The following PRKG1 variants were observed in gnomAD, a reference collection of about 807,000 sequenced individuals.
PRKG1 encodes the protein cGMP-dependent protein kinase 1.
Under a neutral mutation model 88.1 loss-of-function variants are expected in PRKG1, and 35 were observed. The observed-to-expected ratio is 0.40, with a 90% confidence interval of 0.30 to 0.53. The LOEUF (loss-of-function observed/expected upper bound fraction) is 0.53. Ranked by LOEUF, PRKG1 falls within the 20% of genes least tolerant of loss-of-function variation. The pLI, the probability that PRKG1 is intolerant of heterozygous loss-of-function variation, is 0.59. For missense variants in PRKG1, 540 were observed against 839.8 expected (o/e 0.64, Z 4.41); for synonymous variants, 303 against 292.5 (o/e 1.04, Z -0.37).
At position 51,283,889 on chromosome 10, in the gene PRKG1, G is replaced by A. The variant is rs1338182314; in HGVS notation, c.478+130559G>A. Among the ~76,000 whole-genome samples the A allele has an allele frequency of 5.9e-5, 9 of 152,180 alleles. 1 individual carries two copies. The highest frequency in any genetic ancestry group is 5.8e-4 in the East Asian group (3 of 5,178). On this transcript the variant is annotated intron_variant, in intron 2 of 17. Transcript: ENST00000373980. Reference sequence around the variant, plus strand: ...CCCAATTTTATCAGTAAATATTTATGCTATAAATGTGAATCTAACTGATTT... The same window carrying A: ...CCCAATTTTATCAGTAAATATTTATACTATAAATGTGAATCTAACTGATTT...
intron 3 of PRKG1, among the ~76,000 whole-genome samples, chr10:51,645,396 G>C (rs1328482307): frequency 2.6e-5 from 4 of 152,068 alleles, no homozygotes; most frequent in Non-Finnish European, 5.9e-5. Context: ...TCTCATATTT[G>C]AACTACAAAT....
chr10:51,503,605 C>A, intron 3 of PRKG1, among the ~76,000 whole-genome samples: 1 of 152,160 alleles, frequency 6.6e-6, no homozygotes, highest in East Asian at 1.9e-4. Context: ...AAATTCTGGG[C>A]CTTTGCCTAC....
At chr10:51,805,796 G>T (rs1442499087) in intron 4 of PRKG1, among the ~76,000 whole-genome samples, 3 of 151,888 alleles carry the variant, frequency 2.0e-5, no homozygotes, top group Non-Finnish European at 4.4e-5. Context: ...TTCCATGTAA[G>T]ACCTTTTATA....
At chr10:51,704,715 G>T (rs557326325) in intron 3 of PRKG1, among the ~76,000 whole-genome samples, 1 of 152,076 alleles carries the variant, frequency 6.6e-6, no homozygotes, top group Non-Finnish European at 1.5e-5. Context: ...TGTTTTTTAC[G>T]GCCTCAGAGG....
At chr10:52,171,270 G>A (rs12250232) in intron 9 of PRKG1, among the ~76,000 whole-genome samples, 5,893 of 151,736 alleles carry the variant, frequency 0.039, 417 homozygotes, top group African/African-American at 0.13. Flanking sequence ...CTGGAAAATT[G>A]TTTTCCCCTA....
chr10:52,186,711 C>G (rs193194858), intron 9 of PRKG1, among the ~76,000 whole-genome samples: 3 of 151,656 alleles, frequency 2.0e-5, no homozygotes, highest in Middle Eastern at 3.4e-3. Context: ...TGTTTTAAGA[C>G]ATCACTAAAT....
chr10:51,667,276 A>G (rs949983662), intron 3 of PRKG1, among the ~76,000 whole-genome samples: 7 of 152,210 alleles, frequency 4.6e-5, no homozygotes, highest in African/African-American at 1.7e-4. Flanking sequence ...ATATCTATGA[A>G]AGAATGTCTT....
At chr10:51,506,370 C>A (rs1841204703) in intron 3 of PRKG1, among the ~76,000 whole-genome samples, 2 of 152,058 alleles carry the variant, frequency 1.3e-5, no homozygotes, top group African/African-American at 4.8e-5. Flanking sequence ...GAACAGGCAA[C>A]CTACAGAATG....
chr10:51,312,160 C>T (rs1353535747), intron 2 of PRKG1, among the ~76,000 whole-genome samples: 4 of 152,182 alleles, frequency 2.6e-5, no homozygotes, highest in Non-Finnish European at 4.4e-5. Flanking sequence ...GTGTGAACCA[C>T]TGCTCCCAGC....
chr10:51,880,179 C>T (rs1841403188), intron 4 of PRKG1, among the ~76,000 whole-genome samples: 1 of 150,536 alleles, frequency 6.6e-6, no homozygotes, highest in Admixed American at 6.6e-5. Flanking sequence ...TTACATTTTA[C>T]AAAGTATTTT....
chr10:51,277,454 T>G (rs1840155807), intron 2 of PRKG1, among the ~76,000 whole-genome samples: 1 of 151,590 alleles, frequency 6.6e-6, no homozygotes, highest in African/African-American at 2.4e-5. Context: ...GGCTCTTTTT[T>G]GGTTCCATAT....
chr10:52,100,150 A>G (rs34310643), intron 7 of PRKG1, among the ~76,000 whole-genome samples: 58,340 of 152,028 alleles, frequency 0.38, 12,771 homozygotes, highest in African/African-American at 0.6. Flanking sequence ...GGGCCATTCC[A>G]GCCTTCTCCC....
chr10:51,234,744 A>T (rs1159095994), intron 2 of PRKG1, among the ~76,000 whole-genome samples: 1 of 152,186 alleles, frequency 6.6e-6, no homozygotes, highest in Admixed American at 6.6e-5. Context: ...CCTCAATTAG[A>T]GTCCTAGCCA....
chr10:51,463,773 C>G (rs1839806899), intron 2 of PRKG1, among the ~76,000 whole-genome samples: 1 of 152,138 alleles, frequency 6.6e-6, no homozygotes, highest in Non-Finnish European at 1.5e-5. Context: ...CAGTAACTCA[C>G]TAGACTCTTA....
chr10:51,878,625 T>A (rs1430850781), intron 4 of PRKG1, among the ~76,000 whole-genome samples: 1 of 152,180 alleles, frequency 6.6e-6, no homozygotes, highest in Non-Finnish European at 1.5e-5. Flanking sequence ...CTTGAGGTCC[T>A]CCTTTTCTGA....
intron 5 of PRKG1, among the ~76,000 whole-genome samples, chr10:51,921,157 G>A (rs1376489784): frequency 2.6e-5 from 4 of 151,820 alleles, no homozygotes; most frequent in Admixed American, 6.6e-5. Flanking sequence ...CTCTTTTACT[G>A]TCTCAGTAGT....
intron 1 of PRKG1, among the ~76,000 whole-genome samples, chr10:51,005,957 G>C (rs1232418859): frequency 6.6e-6 from 1 of 152,198 alleles, no homozygotes; most frequent in Non-Finnish European, 1.5e-5. Context: ...CAGATGTAGA[G>C]ATATGGGTTA....
intron 5 of PRKG1, among the ~76,000 whole-genome samples, chr10:52,033,296 A>G (rs1449571331): frequency 6.6e-6 from 1 of 152,186 alleles, no homozygotes; most frequent in Non-Finnish European, 1.5e-5. Context: ...ATCTAAATGC[A>G]TAATTCATTC....
intron 1 of PRKG1, among the ~76,000 whole-genome samples, chr10:51,035,764 TA>T (rs957543177): frequency 6.6e-6 from 1 of 152,174 alleles, no homozygotes; most frequent in African/African-American, 2.4e-5. Context: ...CAACGGAGCT[TA>T]AAAAAACTAC....
Sources: gnomAD v4.1 joint callset for allele counts (sites outside exome capture counted in the v4.1 genomes callset) on GRCh38, gnomAD v4.1.1 for gene constraint, MANE v1.5 for transcripts, NCBI Gene and HGNC (gene_info 2026-07-23, HGNC 2026-07-21) for gene names.